PARD3B: variants seen among roughly 807,000 people sequenced by gnomAD.
The protein encoded by PARD3B is par-3 family cell polarity regulator beta.
PARD3B carries 103 observed loss-of-function variants against 130.2 expected under a neutral mutation model. The ratio of observed to expected loss-of-function variants is 0.79; its 90% CI spans 0.67 to 0.93. The LOEUF (loss-of-function observed/expected upper bound fraction) is 0.93. PARD3B is among the 40% of genes least tolerant of loss of function. The pLI, the probability that PARD3B is intolerant of heterozygous loss-of-function variation, is 0.00. For missense variants in PARD3B, 1,609 were observed against 1,499.2 expected, an observed-to-expected ratio of 1.07 and a Z score of -1.21; for synonymous variants, 583 against 553.2, an observed-to-expected ratio of 1.05 and a Z score of -0.76.
intron 18 of PARD3B, among the ~76,000 whole-genome samples, chr2:205,316,549 T>C (rs917656457): frequency 4.6e-5 from 7 of 152,144 alleles, no homozygotes; most frequent in Non-Finnish European, 8.8e-5. Context: ...CAGAAAAAAA[T>C]GTACAACATG....
At chr2:204,891,764 A>G (rs530371714) in intron 2 of PARD3B, among the ~76,000 whole-genome samples, 2 of 152,106 alleles carry the variant, frequency 1.3e-5, no homozygotes, top group African/African-American at 2.4e-5. Flanking sequence ...CCCCCTGGAC[A>G]ATTTTTCTGA....
At chr2:204,857,110 C>T (rs2044978806) in intron 2 of PARD3B, among the ~76,000 whole-genome samples, 1 of 152,036 alleles carries the variant, frequency 6.6e-6, no homozygotes, top group Non-Finnish European at 1.5e-5. Flanking sequence ...TTGCTGAAGC[C>T]AGTGAAATTC....
At chr2:205,094,570 T>C (rs369677103) in intron 4 of PARD3B, among the ~76,000 whole-genome samples, 11 of 152,292 alleles carry the variant, frequency 7.2e-5, no homozygotes, top group African/African-American at 2.6e-4. Context: ...AGTGTGCTTT[T>C]CTTTTCTTTC....
At chr2:205,522,508 TTAAA>T (rs1165756146) in intron 21 of PARD3B, among the ~76,000 whole-genome samples, 7 of 152,054 alleles carry the variant, frequency 4.6e-5, no homozygotes, top group South Asian at 2.1e-4. Context: ...TTAAAAAAAA[TTAAA>T]TTAATTAAAA....
At chr2:205,359,215 A>G (rs2044301702) in intron 18 of PARD3B, among the ~76,000 whole-genome samples, 1 of 152,274 alleles carries the variant, frequency 6.6e-6, no homozygotes, top group East Asian at 1.9e-4. Context: ...AGTCTCTTCA[A>G]CTTTCGAAAG....
At chr2:205,471,467 T>C (rs1044040396) in intron 20 of PARD3B, among the ~76,000 whole-genome samples, 7 of 150,868 alleles carry the variant, frequency 4.6e-5, no homozygotes, top group African/African-American at 1.5e-4. Flanking sequence ...GTTCAAGCAT[T>C]TCTCCTGCCT....
At chr2:205,298,814 T>C (rs1315722530) in intron 16 of PARD3B, among the ~76,000 whole-genome samples, 1 of 152,134 alleles carries the variant, frequency 6.6e-6, no homozygotes, top group Non-Finnish European at 1.5e-5. Flanking sequence ...AAATAGAGGG[T>C]GCAGAGCAAA....
chr2:205,278,894 A>G (rs1042525613), intron 16 of PARD3B, among the ~76,000 whole-genome samples: 9 of 151,762 alleles, frequency 5.9e-5, no homozygotes, highest in Admixed American at 2.0e-4. Flanking sequence ...ACATGGCTAA[A>G]CCCTGTCTCT....
chr2:204,804,633 T>A (rs2042698463), intron 2 of PARD3B, among the ~76,000 whole-genome samples: 1 of 152,208 alleles, frequency 6.6e-6, no homozygotes, highest in Admixed American at 6.5e-5. Flanking sequence ...ATAGAACAAA[T>A]GTACTTAATA....
chr2:205,185,595 G>A (rs538587213), intron 13 of PARD3B, among the ~76,000 whole-genome samples, 169 bp from the exon 14 acceptor site: 3 of 152,240 alleles, frequency 2.0e-5, no homozygotes, highest in Admixed American at 6.5e-5. Context: ...CCTCATACAA[G>A]CAGTATTCAT....
In PARD3B at chr2:205,018,722, C is replaced by CAAAAAAAAA. The variant is rs5837948; in HGVS notation, c.395-28839_395-28831dup. Reference sequence around the variant, plus strand: ...TACAAATTTGATTTAGCAGTATAAGCAAAAAAAAAAAAAAAAAAAAAAAAA... The same window carrying CAAAAAAAAA: ...TACAAATTTGATTTAGCAGTATAAGCAAAAAAAAAAAAAAAAAAAAAAAAAAAAAAAAAA... On this transcript the variant is annotated intron_variant, in intron 3 of 22. Transcript: ENST00000406610. 7.3e-3 allele frequency among the ~76,000 whole-genome samples: 315 copies of CAAAAAAAAA among 43,158 alleles called. 73 individuals are homozygous for CAAAAAAAAA. Among genetic ancestry groups the CAAAAAAAAA allele is most frequent in the Admixed American group, 9.0e-3 (22 of 2,434 alleles). The allele number at this position is 43,158 out of a possible 152,430, so 28.3% of individuals were successfully genotyped here.
rs576787386 is a variant in PARD3B, at chr2:204,841,971, C to A, written c.223-123181C>A. On this transcript the variant is annotated intron_variant, in intron 2 of 22. Coordinates refer to ENST00000406610, the MANE Select transcript of PARD3B (RefSeq NM_001302769.2). Reference sequence around the variant, plus strand: ...AGCAAACTCAATTTAGATGAGTTCACATGAATAACATACTTCAGGTTGGTA... The same window carrying A: ...AGCAAACTCAATTTAGATGAGTTCAAATGAATAACATACTTCAGGTTGGTA... Among the ~76,000 whole-genome samples, 274 of 152,144 alleles carry A rather than the reference C, an allele frequency of 1.8e-3. 3 individuals are homozygous for A. The highest frequency in any genetic ancestry group is 6.5e-3 in the African/African-American group (268 of 41,494).
rs368878317 is a variant in PARD3B, at chr2:205,118,988, G to A, written c.748G>A (p.Glu250Lys). Residue 250 changes from glutamate (E) to lysine (K), a missense_variant, in exon 7 of 23, where the codon GAA (glutamate) becomes AAA (lysine). By Grantham distance (56) the Glu-to-Lys change is moderately conservative. Transcript: ENST00000406610. ...SRSKREGLFH[E>K]NECIVKINNV... The stretch of plus-strand genomic sequence containing the variant: ...GTCCAAGCGGGAGGGACTATTTCAC[G>A]AAAATGAATGTATTGTAAAAATCAA... The A allele has an allele frequency of 5.4e-5, 87 of 1,611,798 alleles. No individual in the cohort carries two copies. The highest frequency in any genetic ancestry group is 4.5e-5 in the East Asian group (2 of 44,690).
At chr2:205,364,606 C>G (rs534529389) in intron 18 of PARD3B, among the ~76,000 whole-genome samples, 2 of 152,160 alleles carry the variant, frequency 1.3e-5, no homozygotes, top group African/African-American at 4.8e-5. Flanking sequence ...GTTCACAACT[C>G]TTGAATATCG....
At chr2:205,156,246 A>G in intron 10 of PARD3B, among the ~76,000 whole-genome samples, 1 of 85,856 alleles carries the variant, frequency 1.2e-5, no homozygotes. Flanking sequence ...GGAACATCAC[A>G]CTCTGGGGAC....
intron 2 of PARD3B, among the ~76,000 whole-genome samples, chr2:204,835,214 T>C (rs2043984302): frequency 6.6e-6 from 1 of 152,236 alleles, no homozygotes; most frequent in African/African-American, 2.4e-5. Context: ...TCCTCTGATC[T>C]GGACAAGCTC....
chr2:205,338,687 G>A (rs1363983892), intron 18 of PARD3B, among the ~76,000 whole-genome samples: 1 of 152,110 alleles, frequency 6.6e-6, no homozygotes, highest in Non-Finnish European at 1.5e-5. Flanking sequence ...ATTTTATCAT[G>A]GAATTTGTCT....
At chr2:205,150,261 G>A (rs991001888) in intron 10 of PARD3B, among the ~76,000 whole-genome samples, 1 of 134,190 alleles carries the variant, frequency 7.5e-6, no homozygotes, top group East Asian at 2.4e-4. Context: ...GTGCACACAC[G>A]CTTGAAATCT....
chr2:204,854,266 G>A (rs1233974867), intron 2 of PARD3B, among the ~76,000 whole-genome samples: 1 of 152,288 alleles, frequency 6.6e-6, no homozygotes, highest in South Asian at 2.1e-4. Context: ...TATGGAAGTA[G>A]TGCTGTTCAG....
Sources: allele counts gnomAD v4.1 joint callset (sites outside exome capture counted in the v4.1 genomes callset), GRCh38; gene constraint gnomAD v4.1.1; transcripts MANE v1.5; gene names NCBI Gene and HGNC (gene_info 2026-07-23, HGNC 2026-07-21).